Variants in PIEZO2 observed in about 807,000 individuals in gnomAD.
PIEZO2 encodes piezo-type mechanosensitive ion channel component 2.
PIEZO2 carries 172 observed loss-of-function variants against 337.3 expected under a neutral mutation model. That is an observed-to-expected ratio of 0.51 (90% confidence interval 0.45 to 0.58). The LOEUF is 0.58. PIEZO2 is among the 20% of genes least tolerant of loss of function. The pLI is 0.00. For missense variants in PIEZO2, 3,028 were observed against 3,391.3 expected (o/e 0.89, Z 2.66); for synonymous variants, 1,251 against 1,228.5 (o/e 1.02, Z -0.38).
intron 3 of PIEZO2, among the ~76,000 whole-genome samples, chr18:10,964,954 T>C (rs1006056926): frequency 1.3e-5 from 2 of 152,240 alleles, no homozygotes; most frequent in Admixed American, 6.5e-5. Context: ...CTGAATAATA[T>C]TCATATATTT....
chr18:10,717,968 C>T (rs528800911), intron 37 of PIEZO2, among the ~76,000 whole-genome samples: 34 of 152,316 alleles, frequency 2.2e-4, no homozygotes, highest in Non-Finnish European at 4.6e-4. Context: ...AAGGAATTTA[C>T]AAACTGACAC....
chr18:11,133,511 G>T (rs1231927091), intron 1 of PIEZO2, among the ~76,000 whole-genome samples: 1 of 152,134 alleles, frequency 6.6e-6, no homozygotes, highest in East Asian at 1.9e-4. Context: ...ATTAACATTT[G>T]AGTCAGTGGG....
intron 1 of PIEZO2, among the ~76,000 whole-genome samples, chr18:11,098,707 C>T (rs996658810): frequency 6.6e-5 from 10 of 151,500 alleles, no homozygotes; most frequent in African/African-American, 1.5e-4. Context: ...ATTATGACAG[C>T]GTGCCTTTTT....
rs1193892604 is a variant in PIEZO2 at position 10,767,051 on chromosome 18, GC to G, written c.2946+3096del. Reference sequence around the variant, plus strand: ...TTCCCTTCCTTCTCCAATTGGCCAGGCCCCCCAGGGAGGAGCTGAGGTGCTA... The same window carrying G: ...TTCCCTTCCTTCTCCAATTGGCCAGGCCCCCAGGGAGGAGCTGAGGTGCTA... On this transcript the variant is annotated intron_variant, in intron 21 of 55. Transcript: ENST00000674853. The surrounding 1 kb of genome is among the most constrained non-coding windows in gnomAD (Gnocchi z 4.2). Among the ~76,000 whole-genome samples, 1 of 138,592 alleles carries G rather than the reference GC, an allele frequency of 7.2e-6. No individual in the cohort carries two copies. The highest frequency in any genetic ancestry group is 2.7e-5 in the African/African-American group (1 of 36,814). 90.9% of individuals were successfully genotyped at this position (138,592 alleles called of 152,430 possible).
chr18:10,698,000 G>A (rs1429189437), intron 44 of PIEZO2, 120 bp from the exon 45 acceptor site: 7 of 1,318,206 alleles, frequency 5.3e-6, no homozygotes, highest in Non-Finnish European at 7.1e-6. Flanking sequence ...TGTTTGGGAG[G>A]ATGAGTATGC....
Position 11,056,180 on chromosome 18 carries a change from C to T in PIEZO2, c.160+9947G>A, listed in dbSNP as rs73945712. ...CAGAGACTTTCCAGCTTTGAGGCCT[C>T]GGCACCCTGTGCTGAGTGGTCATTG... is the stretch of plus-strand genomic sequence containing the variant. On this transcript the variant is annotated intron_variant, in intron 2 of 55. Coordinates refer to ENST00000674853, the MANE Select transcript of PIEZO2 (RefSeq NM_001378183.1). Among the ~76,000 whole-genome samples the T allele has an allele frequency of 5.2e-3, 786 of 152,252 alleles. 4 individuals are homozygous for T. The highest frequency in any genetic ancestry group is 0.012 in the African/African-American group (486 of 41,554).
At chr18:11,011,061 C>T (rs962811248) in intron 2 of PIEZO2, among the ~76,000 whole-genome samples, 6 of 152,210 alleles carry the variant, frequency 3.9e-5, no homozygotes, top group Non-Finnish European at 7.3e-5. Flanking sequence ...ATGGTTGGCC[C>T]TTAACCACTC....
At chr18:10,898,017 G>A (rs1051579077) in intron 4 of PIEZO2, among the ~76,000 whole-genome samples, 1 of 152,092 alleles carries the variant, frequency 6.6e-6, no homozygotes, top group African/African-American at 2.4e-5. Context: ...ATAAAATCCT[G>A]GCTTACAAAC....
Position 10,999,456 on chromosome 18 carries a change from A to G in PIEZO2, c.161-19796T>C, listed in dbSNP as rs553879480. On this transcript the variant is annotated intron_variant, in intron 2 of 55. Coordinates refer to ENST00000674853, the MANE Select transcript of PIEZO2 (RefSeq NM_001378183.1). ...TTTAGTCTGTGCTGAACATTCACAG[A>G]CCTTTTCTTTTCTTGTCCTTATTCT... Among the ~76,000 whole-genome samples the G allele has an allele frequency of 3.9e-5, 6 of 152,220 alleles. No individual in the cohort carries two copies. In the East Asian group the frequency reaches 1.2e-3, roughly 29 times the overall value.
chr18:11,049,266 C>T (rs761570376), intron 2 of PIEZO2, among the ~76,000 whole-genome samples: 9 of 152,220 alleles, frequency 5.9e-5, no homozygotes, highest in Middle Eastern at 3.4e-3. Context: ...ACTCAACATT[C>T]GAGGAAGCAG....
Position 10,807,162 on chromosome 18 carries a change from T to C in PIEZO2, c.1030A>G (p.Met344Val), listed in dbSNP as rs1442335119. Residue 344 changes from methionine (M) to valine (V), a missense_variant, in exon 8 of 56, where the codon ATG becomes GTG. By Grantham distance (21) the Met-to-Val change is conservative. Around this residue, in one of 5 missense-constraint regions of PIEZO2, gnomAD observed 542 missense variants for 605.6 expected, o/e 0.89. Transcript: ENST00000674853. ...HHANPILLLV[M>V]YYTLATLIRI... The stretch of plus-strand genomic sequence containing the variant: ...ATCAGAGTGGCCAGAGTGTAGTACA[T>C]CACCAGCAGGAGGATAGGGTTGGCG... 6.5e-7 allele frequency: 1 copy of C among 1,537,214 alleles called. No individual in the cohort carries two copies. Among genetic ancestry groups the C allele is most frequent in the East Asian group, 2.4e-5 (1 of 40,912 alleles).
Position 10,740,338 on chromosome 18 carries a change from T to A in PIEZO2, c.4708+693A>T, listed in dbSNP as rs573698947. 2.0e-5 allele frequency: 3 copies of A among 152,438 alleles called. No homozygotes were observed. In the South Asian group the frequency reaches 6.2e-4, roughly 32 times the overall value. The allele number at this position is 152,438 out of a possible 1,614,324, so 9.4% of individuals were successfully genotyped here. A position where few individuals can be genotyped will look rare whatever the true frequency, so the allele number is the denominator to read the frequency against. ...GGATCTGCTTTTAAAAATAGTTTTC[T>A]GGTTTTTGCTGTTCATTGGTCGTCT... On this transcript the variant is annotated intron_variant, in intron 33 of 55. Coordinates refer to ENST00000674853, the MANE Select transcript of PIEZO2 (RefSeq NM_001378183.1).
intron 2 of PIEZO2, among the ~76,000 whole-genome samples, chr18:11,026,120 C>T (rs1284107496): frequency 1.3e-5 from 2 of 152,162 alleles, no homozygotes; most frequent in Non-Finnish European, 2.9e-5. Context: ...TGAACGGCGC[C>T]TTTACAAACA....
At chr18:10,811,103 C>T (rs1410622588) in intron 7 of PIEZO2, among the ~76,000 whole-genome samples, 3 of 152,120 alleles carry the variant, frequency 2.0e-5, no homozygotes. Context: ...TTCACCAATA[C>T]CCTGAAGCCA....
At chr18:11,054,756 C>T (rs922878763) in intron 2 of PIEZO2, among the ~76,000 whole-genome samples, 1 of 152,178 alleles carries the variant, frequency 6.6e-6, no homozygotes, top group South Asian at 2.1e-4. Flanking sequence ...ATGAAAGAAT[C>T]AGTGTTGGGA....
chr18:10,797,414 A>C lies in PIEZO2; in HGVS notation c.1487T>G (p.Ile496Ser). 6.5e-7 allele frequency: 1 copy of C among 1,537,208 alleles called. No individual in the cohort carries two copies. The highest frequency in any genetic ancestry group is 8.7e-7 in the Non-Finnish European group (1 of 1,146,898). ...VHAMVSVFQF[I>S]MKQSYICALI... ...GGCACAGATGTAACTTTGTTTCATAATAAATTGGAATACGGAGACCATGGC... is the reference window on the plus strand; with the variant it reads ...GGCACAGATGTAACTTTGTTTCATACTAAATTGGAATACGGAGACCATGGC... The change falls in exon 12 of 56, where the codon ATT (isoleucine) becomes AGT (serine). Residue 496 changes from isoleucine to serine, a missense_variant. Around this residue, in one of 5 missense-constraint regions of PIEZO2, gnomAD observed 542 missense variants for 605.6 expected, o/e 0.89. Coordinates refer to ENST00000674853, the MANE Select transcript of PIEZO2 (RefSeq NM_001378183.1).
chr18:11,102,389 G>A lies in PIEZO2; in HGVS notation c.65-36167C>T, dbSNP rs1380533570. Among the ~76,000 whole-genome samples the A allele has an allele frequency of 6.6e-6, 1 of 152,140 alleles. No homozygotes were observed. Among genetic ancestry groups the A allele is most frequent in the Admixed American group, 6.5e-5 (1 of 15,272 alleles). ...TAATCTCAATTTACAAAGTAGAATG[G>A]TCTCCTCCTGTCAGTGGGCAAAACC... On this transcript the variant is annotated intron_variant, in intron 1 of 55. Coordinates refer to ENST00000674853, the MANE Select transcript of PIEZO2 (RefSeq NM_001378183.1). This position sits in a 1 kb window ranked among gnomAD's most constrained non-coding sequence, Gnocchi z 5.7.
In PIEZO2 at chr18:10,954,655, G is replaced by A. The variant is rs960725384; in HGVS notation, c.286+24880C>T. 2.0e-5 allele frequency among the ~76,000 whole-genome samples: 3 copies of A among 152,106 alleles called. No homozygotes were observed. Among genetic ancestry groups the A allele is most frequent in the Non-Finnish European group, 2.9e-5 (2 of 68,026 alleles). ...AAAAGGGCTGAGCTAGAGTGATGGC[G>A]GCACTCGAAGTCCACTGCAGTCCAC... On this transcript the variant is annotated intron_variant, in intron 3 of 55. Transcript: ENST00000674853. The surrounding 1 kb of genome is among the most constrained non-coding windows in gnomAD (Gnocchi z 4.2).
intron 1 of PIEZO2, among the ~76,000 whole-genome samples, chr18:11,075,913 C>T (rs1343128416): frequency 2.0e-5 from 3 of 151,556 alleles, no homozygotes; most frequent in Non-Finnish European, 4.4e-5. Flanking sequence ...CTCAGCCTCC[C>T]GAGTTAGCTG....
Sources: gnomAD v4.1 joint callset for allele counts (sites outside exome capture counted in the v4.1 genomes callset) on GRCh38, gnomAD v4.1.1 for gene constraint, gnomAD v4.1.1 regional missense constraint, Gnocchi (gnomAD v3.1) non-coding constraint, MANE v1.5 for transcripts, NCBI Gene and HGNC (gene_info 2026-07-23, HGNC 2026-07-21) for gene names.